HS3ST2: variants seen among roughly 807,000 people sequenced by gnomAD.
HS3ST2 encodes heparan sulfate-glucosamine 3-sulfotransferase 2, also known as heparan sulfate glucosamine 3-O-sulfotransferase 2.
In HS3ST2, 17 loss-of-function variants were observed where a neutral mutation model predicts 26.3. That is an observed-to-expected ratio of 0.65 (90% CI 0.44 to 0.97). The LOEUF (loss-of-function observed/expected upper bound fraction) is 0.97, where lower values mean the gene tolerates loss of function less well. Ranked by LOEUF, HS3ST2 falls within the 50% of genes least tolerant of loss-of-function variation. HS3ST2 has a pLI of 0.00. For synonymous variants in HS3ST2, 237 were observed against 219.2 expected, an observed-to-expected ratio of 1.08 and a Z score of -0.72; for missense variants, 402 against 501.2, an observed-to-expected ratio of 0.80 and a Z score of 1.89.
At chr16:22,883,659 G>A (rs1033902342) in intron 1 of HS3ST2, among the ~76,000 whole-genome samples, 13 of 152,208 alleles carry the variant, frequency 8.5e-5, no homozygotes, top group Non-Finnish European at 8.8e-5. Context: ...ACTTCCCTTC[G>A]GTTGAGGTTT....
chr16:22,836,962 C>T (rs1344753621), intron 1 of HS3ST2, among the ~76,000 whole-genome samples: 1 of 152,082 alleles, frequency 6.6e-6, no homozygotes, highest in Non-Finnish European at 1.5e-5. Context: ...CCAGCCAGGA[C>T]AAAATCTTTT....
At position 22,904,940 on chromosome 16, in the gene HS3ST2, C is replaced by T. The variant is rs769448899; in HGVS notation, c.486-10004C>T. On this transcript the variant is annotated intron_variant, in intron 1 of 1. Transcript: ENST00000261374. ...GCTCAACTAGGCGAGGATAAACGGC[C>T]ACAGGTGCTGTGCCTGCCACATGGC... Among the ~76,000 whole-genome samples the T allele has an allele frequency of 2.0e-4, 30 of 152,322 alleles. 1 individual carries two copies. The highest frequency in any genetic ancestry group is 3.9e-4 in the Admixed American group (6 of 15,308).
intron 1 of HS3ST2, among the ~76,000 whole-genome samples, chr16:22,866,824 T>G (rs1901764819): frequency 6.6e-6 from 1 of 152,056 alleles, no homozygotes; most frequent in Admixed American, 6.6e-5. Context: ...ATAAAAAATT[T>G]GCATGAAGAA....
chr16:22,866,369 C>CGTGCGT (rs1555513250), intron 1 of HS3ST2, among the ~76,000 whole-genome samples: 1 of 143,824 alleles, frequency 7.0e-6, no homozygotes, highest in African/African-American at 2.6e-5. Context: ...ATATGGTGTG[C>CGTGCGT]GTGTGTGTGT....
At position 22,815,065 on chromosome 16, in the gene HS3ST2, G is replaced by T; in HGVS notation, c.455G>T (p.Arg152Met). Residue 152 changes from arginine to methionine, a missense_variant, in exon 1 of 2, where the codon AGG becomes ATG. Around this residue, in one of 2 missense-constraint regions of HS3ST2, gnomAD observed 237 missense variants for 346.6 expected, o/e 0.68. Coordinates refer to ENST00000261374, the MANE Select transcript of HS3ST2 (RefSeq NM_006043.2). ...GGCACGGAACCCCACTTCTTTGACAGGAACTACGGCCGCGGGCTGGATTGG... is the reference window on the plus strand; with the variant it reads ...GGCACGGAACCCCACTTCTTTGACATGAACTACGGCCGCGGGCTGGATTGG... The part of the protein sequence containing the change: ...ALGTEPHFFD[R>M]NYGRGLDWYR... 6.2e-7 allele frequency: 1 copy of T among 1,613,146 alleles called. No individual in the cohort carries two copies. The highest frequency in any genetic ancestry group is 8.5e-7 in the Non-Finnish European group (1 of 1,180,038).
chr16:22,842,077 T>G (rs1901367509), intron 1 of HS3ST2, among the ~76,000 whole-genome samples: 1 of 148,750 alleles, frequency 6.7e-6, no homozygotes, highest in South Asian at 2.1e-4. Flanking sequence ...TTTTTTTTTT[T>G]TTTTGAGACA....
At chr16:22,910,085 A>C (rs1162688272) in intron 1 of HS3ST2, among the ~76,000 whole-genome samples, 1 of 151,794 alleles carries the variant, frequency 6.6e-6, no homozygotes, top group Non-Finnish European at 1.5e-5. Flanking sequence ...AAGAAGTTAG[A>C]AGGGTGGAGC....
chr16:22,912,518 A>T (rs1299742862), intron 1 of HS3ST2, among the ~76,000 whole-genome samples: 1 of 152,172 alleles, frequency 6.6e-6, no homozygotes, highest in Non-Finnish European at 1.5e-5. Context: ...TTTGCCCAGG[A>T]AACAATTCAA....
intron 1 of HS3ST2, among the ~76,000 whole-genome samples, chr16:22,896,075 T>C (rs774517900): frequency 6.6e-6 from 1 of 152,086 alleles, no homozygotes; most frequent in African/African-American, 2.4e-5. Flanking sequence ...GCCTTCCAAG[T>C]AGCTGGGACA....
rs755906115 is a variant in HS3ST2, at chr16:22,815,233, GCTATAGCAGAATTTACCCAGAA to G, written c.485+141_485+162del. ...AGGCTGACACACAGGGCCATGGGGG[GCTATAGCAGAATTTACCCAGAA>G]CTTCCCAGTGATAATCTAGACGGGC... On this transcript the variant is annotated intron_variant, in intron 1 of 1. Coordinates refer to ENST00000261374, the MANE Select transcript of HS3ST2 (RefSeq NM_006043.2). 1,377 of 1,160,618 alleles carry G rather than the reference GCTATAGCAGAATTTACCCAGAA, an allele frequency of 1.2e-3. 4 individuals carry two copies. Among genetic ancestry groups the G allele is most frequent in the Non-Finnish European group, 1.3e-3 (1,076 of 834,724 alleles). The allele number at this position is 1,160,618 out of a possible 1,614,324, so 71.9% of individuals were successfully genotyped here.
intron 1 of HS3ST2, among the ~76,000 whole-genome samples, chr16:22,845,982 A>T (rs1449372577): frequency 6.6e-6 from 1 of 152,290 alleles, no homozygotes; most frequent in Middle Eastern, 3.4e-3. Context: ...TTAATATATT[A>T]TTGTTGGTTA....
At chr16:22,911,850 G>T (rs1273336207) in intron 1 of HS3ST2, among the ~76,000 whole-genome samples, 1 of 152,216 alleles carries the variant, frequency 6.6e-6, no homozygotes, top group East Asian at 1.9e-4. Context: ...TGGGCTGGGT[G>T]TGGTGGCTAC....
At chr16:22,903,443 A>G (rs1292946450) in intron 1 of HS3ST2, among the ~76,000 whole-genome samples, 1 of 152,158 alleles carries the variant, frequency 6.6e-6, no homozygotes, top group East Asian at 1.9e-4. Flanking sequence ...CCCATTTTTT[A>G]TGGTTAGCAA....
At chr16:22,825,970 C>T (rs1246430078) in intron 1 of HS3ST2, among the ~76,000 whole-genome samples, 3 of 152,102 alleles carry the variant, frequency 2.0e-5, no homozygotes, top group African/African-American at 7.2e-5. Context: ...TTGCAGTGAG[C>T]CGAAATCATG....
intron 1 of HS3ST2, among the ~76,000 whole-genome samples, chr16:22,879,934 C>A (rs1901965474): frequency 6.6e-6 from 1 of 152,162 alleles, no homozygotes; most frequent in African/African-American, 2.4e-5. Flanking sequence ...TGATTTCCAA[C>A]TATAGACTGG....
At chr16:22,888,766 C>G (rs1344642270) in intron 1 of HS3ST2, among the ~76,000 whole-genome samples, 1 of 152,306 alleles carries the variant, frequency 6.6e-6, no homozygotes, top group African/African-American at 2.4e-5. Flanking sequence ...TTGCCTGCCA[C>G]TTCATCTGAG....
chr16:22,835,727 G>A (rs1241572830), intron 1 of HS3ST2, among the ~76,000 whole-genome samples: 8 of 152,022 alleles, frequency 5.3e-5, no homozygotes, highest in Non-Finnish European at 1.0e-4. Flanking sequence ...CAGTTACTCA[G>A]GTAAAAGATA....
intron 1 of HS3ST2, among the ~76,000 whole-genome samples, chr16:22,847,726 C>T (rs534360258): frequency 7.0e-5 from 10 of 143,534 alleles, no homozygotes; most frequent in Non-Finnish European, 7.5e-5. Context: ...GTCAGGAGTA[C>T]GATTAACTTT....
intron 1 of HS3ST2, among the ~76,000 whole-genome samples, chr16:22,821,936 TG>T (rs1375247091): frequency 6.6e-6 from 1 of 152,122 alleles, no homozygotes; most frequent in Admixed American, 6.5e-5. Flanking sequence ...ATGGGTCCAT[TG>T]GGTGTCTTCC....
Sources: gnomAD v4.1 joint callset for allele counts (sites outside exome capture counted in the v4.1 genomes callset) on GRCh38, gnomAD v4.1.1 for gene constraint, gnomAD v4.1.1 regional missense constraint, MANE v1.5 for transcripts, NCBI Gene and HGNC (gene_info 2026-07-23, HGNC 2026-07-21) for gene names.